FABP1: variants seen among roughly 807,000 people sequenced by gnomAD.
The protein encoded by FABP1 is fatty acid-binding protein, liver.
Under a neutral mutation model 13.7 loss-of-function variants are expected in FABP1, and 13 were observed. The observed-to-expected ratio is 0.95, with a 90% confidence interval of 0.62 to 1.51. The LOEUF (loss-of-function observed/expected upper bound fraction) is 1.51, where lower values mean the gene tolerates loss of function less well. Among genes scored for constraint, FABP1 ranks in the 40% most tolerant of loss-of-function variants. The pLI, the probability that FABP1 is intolerant of heterozygous loss-of-function variation, is 0.00. For missense variants in FABP1, 140 were observed against 155.7 expected, an observed-to-expected ratio of 0.90 and a Z score of 0.54; for synonymous variants, 48 against 59.8, an observed-to-expected ratio of 0.80 and a Z score of 0.91.
At position 88,126,349 on chromosome 2, in the gene FABP1, C is replaced by G; in HGVS notation, c.68-1G>C. 1 of 1,612,250 alleles carries G rather than the reference C, an allele frequency of 6.2e-7. No individual in the cohort carries two copies. The highest frequency in any genetic ancestry group is 8.5e-7 in the Non-Finnish European group (1 of 1,178,456). On this transcript the variant is annotated splice_acceptor_variant, in intron 1 of 3. Transcript: ENST00000295834. LOFTEE classifies it high-confidence loss of function. ...TTCTGGATGAGCTCTTCCGGCAGAC[C>G]TGGTGGAAACCGTCTGAGGTTTAGA... is the stretch of plus-strand genomic sequence containing the variant.
Position 88,124,492 on chromosome 2 carries a change from A to G in FABP1, c.333+2T>C, listed in dbSNP as rs113062493. On this transcript the variant is annotated splice_donor_variant, in intron 3 of 3. Transcript: ENST00000295834. LOFTEE classifies it high-confidence loss of function. ...CACACGCTCAGAGCACCACCAACTT[A>G]CATTGGTGATTATGTCGCCGTTGAG... The G allele has an allele frequency of 6.2e-7, 1 of 1,606,482 alleles. No individual in the cohort carries two copies. The highest frequency in any genetic ancestry group is 1.3e-5 in the African/African-American group (1 of 74,704).
At chr2:88,125,098 C>T (rs1675272840) in intron 2 of FABP1, among the ~76,000 whole-genome samples, 1 of 151,936 alleles carries the variant, frequency 6.6e-6, no homozygotes, top group Non-Finnish European at 1.5e-5. Context: ...GCATGAGCCA[C>T]CCGCCCAACC....
chr2:88,128,062 C>A lies in FABP1; in HGVS notation c.-45G>T, dbSNP rs539274534. 1.9e-6 allele frequency: 3 copies of A among 1,585,326 alleles called. No homozygotes were observed. The South Asian group carries it at 3.3e-5, about 18-fold the overall frequency. ...CTTCACGACTGACCTGCGGCTCTGC[C>A]GACCAGACTGTCCACTGTAGGCTGT... On this transcript the variant is annotated 5_prime_UTR_variant, in exon 1 of 4. Coordinates refer to ENST00000295834, the MANE Select transcript of FABP1 (RefSeq NM_001443.3).
chr2:88,123,600 C>T (rs527966789), intron 3 of FABP1: 1 of 153,418 alleles, frequency 6.5e-6, no homozygotes, highest in East Asian at 1.9e-4. Context: ...TTCCTCCACC[C>T]CTGCCAGTTC....
chr2:88,123,517 C>A, intron 3 of FABP1: 1 of 173,742 alleles, frequency 5.8e-6, no homozygotes, highest in Non-Finnish European at 1.2e-5. Context: ...GTGGGTAGTG[C>A]ATAATTGTCC....
intron 1 of FABP1, 168 bp from the exon 2 acceptor site, chr2:88,126,516 T>A: frequency 1.5e-6 from 1 of 656,606 alleles, no homozygotes; most frequent in African/African-American, 1.8e-5. Flanking sequence ...GGCTGTGGCC[T>A]CAGAAAGGAA....
intron 1 of FABP1, among the ~76,000 whole-genome samples, chr2:88,127,521 T>C (rs140458187): frequency 6.6e-6 from 1 of 152,184 alleles, no homozygotes; most frequent in Non-Finnish European, 1.5e-5. Context: ...TCCATACACC[T>C]GAGGGAATGC....
chr2:88,126,132 AG>A lies in FABP1; in HGVS notation c.240+43del, dbSNP rs1573134224. 6 of 1,561,390 alleles carry A rather than the reference AG, an allele frequency of 3.8e-6. No homozygotes were observed. The East Asian group carries it at 1.4e-4, about 35-fold the overall frequency. On this transcript the variant is annotated intron_variant, in intron 2 of 3. Transcript: ENST00000295834. ...CCTTGAGGAATGAGGTCCCAGGGCC[AG>A]GTTCCAAGGAAAGTTCTGACAGCAG...
chr2:88,127,871 G>T, intron 1 of FABP1, 80 bp downstream of exon 1: 3 of 1,380,174 alleles, frequency 2.2e-6, no homozygotes, highest in Non-Finnish European at 3.1e-6. Context: ...CTCAACATTT[G>T]GACCCTAAAT....
At chr2:88,127,399 T>C (rs747267769) in intron 1 of FABP1, among the ~76,000 whole-genome samples, 4 of 152,234 alleles carry the variant, frequency 2.6e-5, no homozygotes, top group Non-Finnish European at 4.4e-5. Context: ...GGGCTTCAGT[T>C]GCATTAACTG....
intron 1 of FABP1, 73 bp from the exon 2 acceptor site, chr2:88,126,421 A>G (rs1344621067): frequency 6.8e-7 from 1 of 1,477,838 alleles, no homozygotes; most frequent in Non-Finnish European, 9.4e-7. Context: ...TAGGTGAGAG[A>G]AACGACATGA....
chr2:88,123,200 G>T, intron 3 of FABP1, 96 bp from the exon 4 acceptor site: 2 of 963,486 alleles, frequency 2.1e-6, no homozygotes, highest in Non-Finnish European at 3.2e-6. Context: ...TTAAAAAACA[G>T]CACCAAATAT....
chr2:88,127,020 C>T (rs1675310857), intron 1 of FABP1, among the ~76,000 whole-genome samples: 1 of 152,160 alleles, frequency 6.6e-6, no homozygotes, highest in African/African-American at 2.4e-5. Context: ...GTATGGCTTG[C>T]CTGCAGAAGA....
rs1675301929 is a variant in FABP1 at position 88,126,554 on chromosome 2, C to A, written c.68-206G>T. On this transcript the variant is annotated intron_variant, in intron 1 of 3. Coordinates refer to ENST00000295834, the MANE Select transcript of FABP1 (RefSeq NM_001443.3). ...GACAGTGACCTGGCCTGGCCTGCTG[C>A]TATCTTGCCAGTCAATTTATAAAAA... 7.9e-6 allele frequency: 4 copies of A among 508,940 alleles called. No homozygotes were observed. In the East Asian group the frequency reaches 1.1e-4, roughly 15 times the overall value. 31.5% of individuals were successfully genotyped at this position (508,940 alleles called of 1,614,324 possible). A position where few individuals can be genotyped will look rare whatever the true frequency, so the allele number is the denominator to read the frequency against.
chr2:88,127,131 C>G (rs543338903), intron 1 of FABP1, among the ~76,000 whole-genome samples: 1 of 152,054 alleles, frequency 6.6e-6, no homozygotes, highest in Non-Finnish European at 1.5e-5. Flanking sequence ...ACACCCTTTG[C>G]TTATAGGGCT....
chr2:88,126,557 T>C (rs898973680), intron 1 of FABP1: 5 of 502,504 alleles, frequency 1.0e-5, no homozygotes, highest in African/African-American at 3.8e-5. Context: ...CCTGCTGCTA[T>C]CTTGCCAGTC....
At chr2:88,124,184 T>C (rs895541394) in intron 3 of FABP1, 60 of 313,578 alleles carry the variant, frequency 1.9e-4, no homozygotes, top group Non-Finnish European at 3.3e-4. Flanking sequence ...AATATGACCA[T>C]GAATGGGATT....
rs1360440684 is a variant in FABP1, at chr2:88,126,727, T to A, written c.68-379A>T. ...ATACCCCTGGTGACCAGAGAGTTGA[T>A]CTTCCAAGCTAGGTCCCTCCTGCAA... On this transcript the variant is annotated intron_variant, in intron 1 of 3. Transcript: ENST00000295834. 3 of 178,100 alleles carry A rather than the reference T, an allele frequency of 1.7e-5. No homozygotes were observed. The East Asian group carries it at 4.1e-4, about 24-fold the overall frequency. 11.0% of individuals were successfully genotyped at this position (178,100 alleles called of 1,614,324 possible).
intron 1 of FABP1, among the ~76,000 whole-genome samples, chr2:88,127,704 C>T (rs1329538375): frequency 6.6e-6 from 1 of 152,200 alleles, no homozygotes; most frequent in East Asian, 1.9e-4. Context: ...AACGAAGTGC[C>T]AATGACATGG....
Sources: gnomAD v4.1 joint callset for allele counts (sites outside exome capture counted in the v4.1 genomes callset) on GRCh38, gnomAD v4.1.1 for gene constraint, MANE v1.5 for transcripts, NCBI Gene and HGNC (gene_info 2026-07-23, HGNC 2026-07-21) for gene names.